The following CACNA1A variants were observed in gnomAD, a reference collection of about 807,000 sequenced individuals.
The protein encoded by CACNA1A is voltage-dependent P/Q-type calcium channel subunit alpha-1A.
Under a neutral mutation model 262.4 loss-of-function variants are expected in CACNA1A, and 57 were observed. The observed-to-expected ratio is 0.22, with a 90% CI of 0.18 to 0.27. The LOEUF (loss-of-function observed/expected upper bound fraction) is 0.27, where lower values mean the gene tolerates loss of function less well. Ranked by LOEUF, CACNA1A falls within the 10% of genes least tolerant of loss-of-function variation. The probability of loss-of-function intolerance (pLI) is 1.00; values close to 1 mark genes in which losing one functional copy is unlikely to be tolerated. For synonymous variants in CACNA1A, 1,431 were observed against 1,419.3 expected, an observed-to-expected ratio of 1.01 and a Z score of -0.18; for missense variants, 2,526 against 3,562.8, an observed-to-expected ratio of 0.71 and a Z score of 7.41.
chr19:13,423,893 G>T (rs1435502990), intron 3 of CACNA1A, among the ~76,000 whole-genome samples: 1 of 152,112 alleles, frequency 6.6e-6, no homozygotes, highest in Non-Finnish European at 1.5e-5. Flanking sequence ...GATAAATGAG[G>T]CTCTTTGCCA....
In CACNA1A at chr19:13,424,091, G is replaced by C. The variant is rs1233951531; in HGVS notation, c.539+28785C>G. 2.0e-5 allele frequency among the ~76,000 whole-genome samples: 3 copies of C among 152,152 alleles called. No homozygotes were observed. The East Asian group carries it at 5.8e-4, about 30-fold the overall frequency. ...TGGCCAGGCGTGGTGGCTTACGTCT[G>C]TAATCTCAGCACTTTGGGAGGCCGA... On this transcript the variant is annotated intron_variant, in intron 3 of 46. Transcript: ENST00000360228.
rs561687478 is a variant in CACNA1A, at chr19:13,318,104, G to A, written c.1346-783C>T. Among the ~76,000 whole-genome samples the A allele has an allele frequency of 1.4e-4, 21 of 151,068 alleles. No homozygotes were observed. The East Asian group carries it at 2.4e-3, about 17-fold the overall frequency. ...TTGACACCAGCCTGGGCAACACAGC[G>A]AGACAAGTTCTTTTAAATAACAATT... On this transcript the variant is annotated intron_variant, in intron 10 of 46. Coordinates refer to ENST00000360228, the MANE Select transcript of CACNA1A (RefSeq NM_001127222.2).
intron 28 of CACNA1A, chr19:13,256,622 T>G (rs1433396073): frequency 2.6e-5 from 4 of 152,350 alleles, no homozygotes; most frequent in African/African-American, 9.7e-5. Context: ...CCCATGTTAC[T>G]GGGGCTAAAG....
At chr19:13,328,684 A>G (rs2058411494) in intron 10 of CACNA1A, among the ~76,000 whole-genome samples, 1 of 152,170 alleles carries the variant, frequency 6.6e-6, no homozygotes, top group South Asian at 2.1e-4. Flanking sequence ...CGTAAGAGAA[A>G]TTATTGGAAA....
chr19:13,326,084 G>A (rs2058356339), intron 10 of CACNA1A, among the ~76,000 whole-genome samples: 1 of 152,120 alleles, frequency 6.6e-6, no homozygotes. Flanking sequence ...CGGAGGCTGA[G>A]GTGGGCAGAT....
In CACNA1A at chr19:13,365,201, G is replaced by A. The variant is rs566427743; in HGVS notation, c.784+116C>T. 1.3e-5 allele frequency: 11 copies of A among 874,874 alleles called. No homozygotes were observed. The African/African-American group carries it at 1.8e-4, about 15-fold the overall frequency. The allele number at this position is 874,874 out of a possible 1,614,324, so 54.2% of individuals were successfully genotyped here. On this transcript the variant is annotated intron_variant, in intron 5 of 46. Transcript: ENST00000360228. ...CACTGCCTCTCCTGTAGTGCTCTCT[G>A]AAGGAGACGGTCCTCCCAGCTGCCA...
intron 43 of CACNA1A, chr19:13,211,377 C>G (rs1452590043): frequency 2.6e-5 from 4 of 153,402 alleles, no homozygotes; most frequent in Non-Finnish European, 5.8e-5. Context: ...GGCCCTCTGT[C>G]CCATGAGTCC....
chr19:13,210,919 T>G (rs1600085656), intron 43 of CACNA1A: 3 of 549,878 alleles, frequency 5.5e-6, no homozygotes, highest in African/African-American at 1.9e-5. Flanking sequence ...GACAGACAAA[T>G]GGCAGAGGCA....
intron 1 of CACNA1A, among the ~76,000 whole-genome samples, chr19:13,457,054 A>C (rs2061025550): frequency 6.6e-6 from 1 of 152,074 alleles, no homozygotes; most frequent in South Asian, 2.1e-4. Flanking sequence ...GTCCGAGACC[A>C]GCCTAGGCAA....
intron 1 of CACNA1A, among the ~76,000 whole-genome samples, chr19:13,502,468 G>C (rs981212042): frequency 9.9e-5 from 15 of 152,122 alleles, no homozygotes; most frequent in East Asian, 1.9e-4. Flanking sequence ...CATTAAGTGG[G>C]GAGGGAACTC....
intron 19 of CACNA1A, among the ~76,000 whole-genome samples, chr19:13,294,487 C>CTTTTTTTTTGTTTTTTTTTTT (rs2057618888): frequency 1.4e-5 from 1 of 72,556 alleles, no homozygotes; most frequent in Non-Finnish European, 2.4e-5. Flanking sequence ...CTGTACCTGG[C>CTTTTTTTTTGTTTTTTTTTTT]TTTTTTTTTT....
intron 3 of CACNA1A, 108 bp downstream of exon 3, chr19:13,452,768 G>A (rs1599288909): frequency 6.0e-6 from 6 of 998,172 alleles, no homozygotes; most frequent in Non-Finnish European, 7.5e-6. Flanking sequence ...CAAGGGGAGG[G>A]AGAACACAAG....
intron 3 of CACNA1A, among the ~76,000 whole-genome samples, chr19:13,378,477 C>T (rs766442008): frequency 5.3e-5 from 8 of 151,974 alleles, no homozygotes; most frequent in Non-Finnish European, 1.2e-4. Context: ...TCGATGGATG[C>T]GGAAAACTTT....
chr19:13,270,583 T>C (rs1037032892), intron 24 of CACNA1A, among the ~76,000 whole-genome samples: 2 of 152,230 alleles, frequency 1.3e-5, no homozygotes, highest in Non-Finnish European at 2.9e-5. Flanking sequence ...GGGAGAAGAT[T>C]CCAAAACTTT....
At chr19:13,398,121 G>A (rs2059839862) in intron 3 of CACNA1A, among the ~76,000 whole-genome samples, 2 of 152,048 alleles carry the variant, frequency 1.3e-5, no homozygotes, top group Admixed American at 1.3e-4. Flanking sequence ...AAATTAGCCA[G>A]GTGTGGTGGC....
intron 4 of CACNA1A, among the ~76,000 whole-genome samples, chr19:13,367,424 G>C (rs2059234867): frequency 6.6e-6 from 1 of 151,826 alleles, no homozygotes; most frequent in African/African-American, 2.4e-5. Context: ...TCAGAAAGAT[G>C]GTGGTGAATA....
In CACNA1A at chr19:13,337,985, C is replaced by T. The variant is rs145448186; in HGVS notation, c.979-2076G>A. 3.4e-3 allele frequency among the ~76,000 whole-genome samples: 525 copies of T among 152,190 alleles called. 1 individual carries two copies. The highest frequency in any genetic ancestry group is 0.012 in the African/African-American group (498 of 41,532). Reference sequence around the variant, plus strand: ...CTGCAATCCCAGCACTTTGGGAGGCCGAGGCGGGCAGATCATGAGGTCAGG... The same window carrying T: ...CTGCAATCCCAGCACTTTGGGAGGCTGAGGCGGGCAGATCATGAGGTCAGG... On this transcript the variant is annotated intron_variant, in intron 6 of 46. Coordinates refer to ENST00000360228, the MANE Select transcript of CACNA1A (RefSeq NM_001127222.2).
Position 13,285,184 on chromosome 19 carries a change from G to T in CACNA1A, c.3576C>A (p.Asp1192Glu), listed in dbSNP as rs1041342145. The change falls in exon 21 of 47, where the codon GAC (aspartate) becomes GAA (glutamate). Residue 1192 changes from aspartate to glutamate, a missense_variant. Physicochemically the swap from Asp to Glu is conservative, Grantham distance 45. Transcript: ENST00000360228. Reference protein sequence around the residue: ...VVQVNKNANPDPLPKKEEEKK... With the variant: ...VVQVNKNANPEPLPKKEEEKK... ...TCTCTTCCTCTTTTTTTGGCAGTGG[G>T]TCTGGGTTGGCGTTTTTGTTCACTG... 1 of 1,613,838 alleles carries T rather than the reference G, an allele frequency of 6.2e-7. No homozygotes were observed. The highest frequency in any genetic ancestry group is 8.5e-7 in the Non-Finnish European group (1 of 1,179,858).
intron 10 of CACNA1A, among the ~76,000 whole-genome samples, chr19:13,326,564 T>C (rs992425550): frequency 6.6e-6 from 1 of 151,968 alleles, no homozygotes; most frequent in Non-Finnish European, 1.5e-5. Flanking sequence ...GGTAGGAGGA[T>C]TGTTTGAGGC....
Sources: gnomAD v4.1 joint callset for allele counts (sites outside exome capture counted in the v4.1 genomes callset) on GRCh38, gnomAD v4.1.1 for gene constraint, MANE v1.5 for transcripts, NCBI Gene and HGNC (gene_info 2026-07-23, HGNC 2026-07-21) for gene names.